Variants in NDST3 observed in about 807,000 individuals in gnomAD.
NDST3 encodes bifunctional heparan sulfate N-deacetylase/N-sulfotransferase 3.
NDST3 carries 58 observed loss-of-function variants against 96.1 expected under a neutral mutation model. The observed-to-expected ratio is 0.60, with a 90% CI of 0.49 to 0.75. The LOEUF (loss-of-function observed/expected upper bound fraction) is 0.75. NDST3 is among the 30% of genes least tolerant of loss of function. The pLI, the probability that NDST3 is intolerant of heterozygous loss-of-function variation, is 0.00. For missense variants in NDST3, 788 were observed against 1,034.2 expected, an observed-to-expected ratio of 0.76 and a Z score of 3.27; for synonymous variants, 333 against 359.7, an observed-to-expected ratio of 0.93 and a Z score of 0.84.
intron 1 of NDST3, among the ~76,000 whole-genome samples, chr4:118,047,320 G>A (rs943294392): frequency 2.0e-5 from 3 of 152,148 alleles, no homozygotes; most frequent in African/African-American, 7.2e-5. Context: ...AAGAATCATG[G>A]TAAGACCTCT....
chr4:118,035,561 A>AT (rs1254252536), intron 1 of NDST3, among the ~76,000 whole-genome samples: 1 of 151,750 alleles, frequency 6.6e-6, no homozygotes, highest in East Asian at 1.9e-4. Context: ...GCTGAAGGGA[A>AT]TTTTTTTCCC....
At chr4:118,133,702 T>A (rs1732832419) in intron 4 of NDST3, among the ~76,000 whole-genome samples, 1 of 152,218 alleles carries the variant, frequency 6.6e-6, no homozygotes, top group South Asian at 2.1e-4. Context: ...CTTTCAAGTA[T>A]TATTTACATA....
chr4:118,132,064 G>T (rs1241292359), intron 4 of NDST3, among the ~76,000 whole-genome samples: 1 of 152,008 alleles, frequency 6.6e-6, no homozygotes, highest in African/African-American at 2.4e-5. Flanking sequence ...ACTACTACCT[G>T]GCTACCACCT....
intron 10 of NDST3, among the ~76,000 whole-genome samples, chr4:118,238,280 C>T (rs1463013680): frequency 6.6e-6 from 1 of 151,916 alleles, no homozygotes; most frequent in African/African-American, 2.4e-5. Flanking sequence ...CCTAACATGT[C>T]TAAATGTTTC....
chr4:118,044,791 A>C (rs567153774), intron 1 of NDST3, among the ~76,000 whole-genome samples: 1 of 152,256 alleles, frequency 6.6e-6, no homozygotes, highest in Admixed American at 6.5e-5. Context: ...TCATGGTGGA[A>C]GGTTGAAGGG....
At chr4:118,139,156 T>A (rs948766053) in intron 5 of NDST3, among the ~76,000 whole-genome samples, 1 of 152,204 alleles carries the variant, frequency 6.6e-6, no homozygotes, top group African/African-American at 2.4e-5. Context: ...ATAAAAACTG[T>A]TGTAAATGCT....
intron 2 of NDST3, among the ~76,000 whole-genome samples, chr4:118,082,606 C>G (rs1728110214): frequency 6.6e-6 from 1 of 152,110 alleles, no homozygotes; most frequent in South Asian, 2.1e-4. Flanking sequence ...CAAAATTGTT[C>G]TTTACTACAA....
intron 10 of NDST3, among the ~76,000 whole-genome samples, chr4:118,238,492 T>C (rs2126004753): frequency 6.6e-6 from 1 of 152,326 alleles, no homozygotes; most frequent in Middle Eastern, 3.4e-3. Flanking sequence ...TATGAAGCAG[T>C]CAAAATTAAC....
intron 6 of NDST3, among the ~76,000 whole-genome samples, chr4:118,180,322 G>A (rs879470337): frequency 1.3e-5 from 2 of 152,020 alleles, no homozygotes; most frequent in African/African-American, 2.4e-5. Flanking sequence ...AGTATCCAAC[G>A]TTTAGCTTCC....
intron 8 of NDST3, among the ~76,000 whole-genome samples, chr4:118,229,083 C>G (rs1400706254): frequency 6.6e-6 from 1 of 151,788 alleles, no homozygotes; most frequent in Non-Finnish European, 1.5e-5. Context: ...GGTGGATCAC[C>G]TGAGGTCAGG....
intron 4 of NDST3, among the ~76,000 whole-genome samples, chr4:118,132,945 C>T (rs34723948): frequency 0.061 from 9,330 of 152,252 alleles, 388 homozygotes; most frequent in Non-Finnish European, 0.093. Context: ...TGCAAGACAA[C>T]GTCCTCTTTA....
intron 2 of NDST3, among the ~76,000 whole-genome samples, chr4:118,093,426 C>T (rs1483265475): frequency 1.3e-5 from 2 of 151,766 alleles, no homozygotes; most frequent in African/African-American, 4.8e-5. Context: ...TTCTGTGGCA[C>T]AATTTCTAAT....
Position 118,257,643 on chromosome 4 carries a change from T to C in NDST3, c.*1931T>C, listed in dbSNP as rs922865342. On this transcript the variant is annotated 3_prime_UTR_variant, in exon 14 of 14. Coordinates refer to ENST00000296499, the MANE Select transcript of NDST3 (RefSeq NM_004784.3). Reference sequence around the variant, plus strand: ...TAGAAAATGAATTGTGAGATCCACTTACTATAAATTTTTAACTGTACATTA... The same window carrying C: ...TAGAAAATGAATTGTGAGATCCACTCACTATAAATTTTTAACTGTACATTA... 3 of 152,218 alleles carry C rather than the reference T, an allele frequency of 2.0e-5. No individual in the cohort carries two copies. The highest frequency in any genetic ancestry group is 6.5e-5 in the Admixed American group (1 of 15,274). 9.4% of individuals were successfully genotyped at this position (152,218 alleles called of 1,614,324 possible). A position where few individuals can be genotyped will look rare whatever the true frequency, so the allele number is the denominator to read the frequency against.
At chr4:118,116,307 G>A (rs113522845) in intron 4 of NDST3, among the ~76,000 whole-genome samples, 5 of 152,254 alleles carry the variant, frequency 3.3e-5, no homozygotes, top group East Asian at 1.9e-4. Context: ...ACGAAAATAC[G>A]TAAATACACT....
chr4:118,244,097 T>A (rs2126008680), intron 12 of NDST3, among the ~76,000 whole-genome samples: 1 of 152,310 alleles, frequency 6.6e-6, no homozygotes, highest in South Asian at 2.1e-4. Context: ...GTGGAGATAC[T>A]GTGTTTCCAT....
intron 6 of NDST3, among the ~76,000 whole-genome samples, chr4:118,195,803 C>T (rs573137397): frequency 4.7e-4 from 71 of 152,264 alleles, no homozygotes; most frequent in Non-Finnish European, 5.4e-4. Context: ...ACAAGGATAA[C>T]GTGACTTCTT....
chr4:118,127,712 T>G (rs1205166973), intron 4 of NDST3, among the ~76,000 whole-genome samples: 1 of 152,058 alleles, frequency 6.6e-6, no homozygotes, highest in Non-Finnish European at 1.5e-5. Context: ...TGGATTATAT[T>G]GTATATTTTG....
intron 10 of NDST3, among the ~76,000 whole-genome samples, chr4:118,238,817 C>T (rs1268290411): frequency 6.6e-6 from 1 of 152,178 alleles, no homozygotes; most frequent in African/African-American, 2.4e-5. Flanking sequence ...CAAAGACCAC[C>T]TGGGAAAGGC....
chr4:118,245,129 A>T (rs1376251144), intron 12 of NDST3, among the ~76,000 whole-genome samples: 2 of 152,202 alleles, frequency 1.3e-5, no homozygotes. Flanking sequence ...AATGCTTAGC[A>T]TGGAATTGTA....
Sources: allele counts gnomAD v4.1 joint callset (sites outside exome capture counted in the v4.1 genomes callset), GRCh38; gene constraint gnomAD v4.1.1; transcripts MANE v1.5; gene names NCBI Gene and HGNC (gene_info 2026-07-23, HGNC 2026-07-21).